Variants in PRKN observed in about 807,000 individuals in gnomAD.
The protein encoded by PRKN is parkin RBR E3 ubiquitin protein ligase.
In PRKN, 56 loss-of-function variants were observed where a neutral mutation model predicts 59.5. That is an observed-to-expected ratio of 0.94 (90% confidence interval 0.76 to 1.18). PRKN has a LOEUF of 1.18. Among genes scored for constraint, PRKN ranks in the 50% most tolerant of loss-of-function variants. The pLI, the probability that PRKN is intolerant of heterozygous loss-of-function variation, is 0.00. For synonymous variants in PRKN, 250 were observed against 222.1 expected (o/e 1.13, Z -1.12); for missense variants, 657 against 596.4 (o/e 1.10, Z -1.06).
intron 1 of PRKN, among the ~76,000 whole-genome samples, chr6:162,650,426 G>A (rs554471638): frequency 2.0e-5 from 3 of 151,208 alleles, no homozygotes; most frequent in South Asian, 2.1e-4. Flanking sequence ...GTGAAACCCC[G>A]TCTCTACTAA....
intron 7 of PRKN, among the ~76,000 whole-genome samples, chr6:161,574,518 C>T (rs1429039711): frequency 6.6e-6 from 1 of 152,036 alleles, no homozygotes; most frequent in Non-Finnish European, 1.5e-5. Context: ...TGATGAAATT[C>T]GTGAGTAAGC....
intron 2 of PRKN, among the ~76,000 whole-genome samples, chr6:162,380,919 G>A (rs1786447759): frequency 1.3e-5 from 2 of 152,172 alleles, no homozygotes; most frequent in South Asian, 4.2e-4. Flanking sequence ...CCCTTTTTGA[G>A]AAGCTACAAC....
intron 4 of PRKN, among the ~76,000 whole-genome samples, chr6:162,146,653 C>T (rs1457259896): frequency 6.6e-6 from 1 of 151,868 alleles, no homozygotes; most frequent in Non-Finnish European, 1.5e-5. Flanking sequence ...TACAGGCATG[C>T]ACCATCATGC....
rs1409806721 is a variant in PRKN, at chr6:161,429,598, G to A, written c.1084-42721C>T. 6.6e-6 allele frequency among the ~76,000 whole-genome samples: 1 copy of A among 152,126 alleles called. No individual in the cohort carries two copies. The highest frequency in any genetic ancestry group is 1.5e-5 in the Non-Finnish European group (1 of 68,026). The stretch of plus-strand genomic sequence containing the variant: ...ACTAGAAGAACCTGGATGTGAAGCG[G>A]GAGGGCCAGGGAGGCCACGGAGATG... On this transcript the variant is annotated intron_variant, in intron 9 of 11. Coordinates refer to ENST00000366898, the MANE Select transcript of PRKN (RefSeq NM_004562.3). This position sits in a 1 kb window ranked among gnomAD's most constrained non-coding sequence, Gnocchi z 4.2.
intron 6 of PRKN, among the ~76,000 whole-genome samples, chr6:161,862,454 T>C (rs1793940803): frequency 6.6e-6 from 1 of 152,074 alleles, no homozygotes; most frequent in African/African-American, 2.4e-5. Flanking sequence ...GAGCTTAACA[T>C]AATGGAAGGT....
At chr6:162,708,144 T>G (rs1778402087) in intron 1 of PRKN, among the ~76,000 whole-genome samples, 1 of 152,228 alleles carries the variant, frequency 6.6e-6, no homozygotes, top group Non-Finnish European at 1.5e-5. Flanking sequence ...TTTAAAGCTA[T>G]TTTGAAAATA....
At chr6:161,596,902 C>T (rs1363031194) in intron 7 of PRKN, among the ~76,000 whole-genome samples, 2 of 152,170 alleles carry the variant, frequency 1.3e-5, no homozygotes, top group African/African-American at 2.4e-5. Context: ...CTCTCTGACT[C>T]AGAGAATTGA....
intron 6 of PRKN, among the ~76,000 whole-genome samples, chr6:161,861,326 CAG>C (rs988818822): frequency 2.0e-5 from 3 of 152,116 alleles, no homozygotes; most frequent in African/African-American, 7.2e-5. Context: ...AACACAGGAA[CAG>C]AAAACCAAAC....
intron 7 of PRKN, among the ~76,000 whole-genome samples, chr6:161,750,774 A>G (rs1788658067): frequency 6.6e-6 from 1 of 151,958 alleles, no homozygotes; most frequent in Non-Finnish European, 1.5e-5. Flanking sequence ...GTCTCAAAAA[A>G]AAAAAAAAAA....
chr6:162,464,895 C>A (rs1336998620), intron 1 of PRKN, among the ~76,000 whole-genome samples: 2 of 94,216 alleles, frequency 2.1e-5, no homozygotes, highest in Non-Finnish European at 5.6e-5. Context: ...TTTTAAGAGC[C>A]CCCCCTCCTC....
intron 7 of PRKN, among the ~76,000 whole-genome samples, chr6:161,689,750 G>A (rs1785707002): frequency 6.6e-6 from 1 of 151,644 alleles, no homozygotes; most frequent in Admixed American, 6.6e-5. Flanking sequence ...TGCTGTTTTT[G>A]CCCAGGCTGG....
intron 4 of PRKN, among the ~76,000 whole-genome samples, chr6:162,079,376 T>C (rs1778965555): frequency 6.6e-6 from 1 of 152,152 alleles, no homozygotes; most frequent in Admixed American, 6.5e-5. Context: ...GCTGTTGTTC[T>C]TGTAATTTGT....
At chr6:161,366,982 CTTTTTTTTTTTTTTTT>C (rs57164972) in intron 10 of PRKN, among the ~76,000 whole-genome samples, 23 of 91,972 alleles carry the variant, frequency 2.5e-4, no homozygotes, top group Admixed American at 1.8e-3. Context: ...TTTTTGTTTC[CTTTTTTTTTTTTTTTT>C]TTTTTTTTTT....
intron 5 of PRKN, among the ~76,000 whole-genome samples, chr6:161,987,796 G>T (rs989197052): frequency 1.3e-5 from 2 of 152,092 alleles, no homozygotes; most frequent in Admixed American, 1.3e-4. Flanking sequence ...CAAACCTTTT[G>T]TGTCATAAGG....
chr6:162,591,012 G>A (rs1322045800), intron 1 of PRKN, among the ~76,000 whole-genome samples: 2 of 151,966 alleles, frequency 1.3e-5, no homozygotes, highest in African/African-American at 4.8e-5. Context: ...CTGTCTCATG[G>A]GGGGCCCTCC....
chr6:161,721,461 G>A (rs1214477637), intron 7 of PRKN, among the ~76,000 whole-genome samples: 3 of 152,078 alleles, frequency 2.0e-5, no homozygotes, highest in Non-Finnish European at 4.4e-5. Flanking sequence ...GACTAAAAAC[G>A]GAGATGCCAG....
intron 7 of PRKN, among the ~76,000 whole-genome samples, chr6:161,729,085 C>T (rs1003403424): frequency 3.9e-5 from 6 of 152,184 alleles, no homozygotes; most frequent in African/African-American, 1.4e-4. Flanking sequence ...ATTATTCTTC[C>T]TTTGTTCAAC....
chr6:162,573,069 T>C (rs926567213), intron 1 of PRKN, among the ~76,000 whole-genome samples: 1 of 152,206 alleles, frequency 6.6e-6, no homozygotes, highest in African/African-American at 2.4e-5. Flanking sequence ...CAAAATCATC[T>C]CTTAATTTTA....
intron 4 of PRKN, among the ~76,000 whole-genome samples, chr6:162,159,384 A>G (rs1382616033): frequency 6.6e-6 from 1 of 152,190 alleles, no homozygotes; most frequent in Admixed American, 6.5e-5. Context: ...TTGCAATACA[A>G]TCAAAATCTG....
Sources: gnomAD v4.1 joint callset for allele counts (sites outside exome capture counted in the v4.1 genomes callset) on GRCh38, gnomAD v4.1.1 for gene constraint, Gnocchi (gnomAD v3.1) non-coding constraint, MANE v1.5 for transcripts, NCBI Gene and HGNC (gene_info 2026-07-23, HGNC 2026-07-21) for gene names.